The following VPS13A variants were observed in gnomAD, a reference collection of about 807,000 sequenced individuals.
The protein encoded by VPS13A is vacuolar protein sorting 13 homolog A.
Under a neutral mutation model 390.9 loss-of-function variants are expected in VPS13A, and 264 were observed. The observed-to-expected ratio is 0.68, with a 90% CI of 0.61 to 0.75. The LOEUF is 0.75. Ranked by LOEUF, VPS13A falls within the 30% of genes least tolerant of loss-of-function variation. VPS13A has a pLI of 0.00. For synonymous variants in VPS13A, 1,231 were observed against 1,227.1 expected, an observed-to-expected ratio of 1.00 and a Z score of -0.07; for missense variants, 3,409 against 3,733.9, an observed-to-expected ratio of 0.91 and a Z score of 2.27.
chr9:77,405,324 A>G (rs888324953), intron 69 of VPS13A, among the ~76,000 whole-genome samples: 1 of 152,184 alleles, frequency 6.6e-6, no homozygotes, highest in African/African-American at 2.4e-5. Context: ...AATACGTTAC[A>G]TGGAGCCTTA....
At chr9:77,331,299 T>C (rs967120275) in intron 45 of VPS13A, among the ~76,000 whole-genome samples, 2 of 152,088 alleles carry the variant, frequency 1.3e-5, no homozygotes, top group Non-Finnish European at 2.9e-5. Context: ...GCTGAATTAT[T>C]CTTCAAAGTT....
chr9:77,397,419 T>A (rs1208050600), intron 68 of VPS13A, among the ~76,000 whole-genome samples: 1 of 152,244 alleles, frequency 6.6e-6, no homozygotes, highest in Non-Finnish European at 1.5e-5. Flanking sequence ...AACAACATGT[T>A]CTTGTCCTTT....
At chr9:77,185,127 T>C (rs945204899) in intron 1 of VPS13A, among the ~76,000 whole-genome samples, 1 of 151,738 alleles carries the variant, frequency 6.6e-6, no homozygotes, top group Non-Finnish European at 1.5e-5. Flanking sequence ...GCCCTTACCA[T>C]GTGGGATATG....
At chr9:77,316,142 C>A in intron 38 of VPS13A, 32 bp from the exon 39 acceptor site, 4 of 1,296,168 alleles carry the variant, frequency 3.1e-6, no homozygotes, top group Non-Finnish European at 3.2e-6. Context: ...TAATATATAG[C>A]AAATATTTTA....
chr9:77,273,066 A>G (rs1470143646), intron 23 of VPS13A, among the ~76,000 whole-genome samples: 1 of 152,190 alleles, frequency 6.6e-6, no homozygotes, highest in African/African-American at 2.4e-5. Context: ...AAACAGTTCT[A>G]CAATTTTTAT....
At chr9:77,312,199 A>C (rs1829116506) in intron 35 of VPS13A, among the ~76,000 whole-genome samples, 1 of 152,296 alleles carries the variant, frequency 6.6e-6, no homozygotes. Flanking sequence ...GTTTAAATGT[A>C]TATTTTTTCA....
intron 67 of VPS13A, among the ~76,000 whole-genome samples, chr9:77,380,719 A>G (rs1171014352): frequency 6.6e-6 from 1 of 152,214 alleles, no homozygotes; most frequent in Non-Finnish European, 1.5e-5. Flanking sequence ...GTTTCATGGA[A>G]GACAATTTTT....
intron 52 of VPS13A, among the ~76,000 whole-genome samples, chr9:77,347,388 CCT>C (rs1380693484): frequency 1.3e-5 from 2 of 152,106 alleles, no homozygotes; most frequent in African/African-American, 4.8e-5. Flanking sequence ...TGTAATCTCC[CCT>C]GCCATTATCC....
chr9:77,324,965 C>A (rs1283759322), intron 45 of VPS13A, among the ~76,000 whole-genome samples: 1 of 152,054 alleles, frequency 6.6e-6, no homozygotes, highest in African/African-American at 2.4e-5. Flanking sequence ...GGGGCTGGGG[C>A]ATATAGTCTC....
intron 33 of VPS13A, among the ~76,000 whole-genome samples, chr9:77,301,080 GT>G (rs1387076633): frequency 2.0e-5 from 3 of 152,180 alleles, no homozygotes; most frequent in Non-Finnish European, 2.9e-5. Flanking sequence ...CATATATTGG[GT>G]AGTACTGATA....
Position 77,370,031 on chromosome 9 carries a change from G to A in VPS13A, c.8668-226G>A, listed in dbSNP as rs76876625. On this transcript the variant is annotated intron_variant, in intron 63 of 71. Transcript: ENST00000360280. ...CCTTTCTGTACTTTGGTGAGTTGCCGTACTCCTTTCTAAGGGTCAGCGTCT... is the reference window on the plus strand; with the variant it reads ...CCTTTCTGTACTTTGGTGAGTTGCCATACTCCTTTCTAAGGGTCAGCGTCT... 1.4e-3 allele frequency among the ~76,000 whole-genome samples: 214 copies of A among 152,214 alleles called. 2 individuals carry two copies. The highest frequency in any genetic ancestry group is 5.4e-3 in the East Asian group (28 of 5,176).
chr9:77,375,899 G>A (rs1275356932), intron 67 of VPS13A, among the ~76,000 whole-genome samples: 1 of 152,020 alleles, frequency 6.6e-6, no homozygotes, highest in Non-Finnish European at 1.5e-5. Flanking sequence ...CATTCTAGTG[G>A]GAGAGTAATA....
chr9:77,331,031 C>T (rs1230787724), intron 45 of VPS13A, among the ~76,000 whole-genome samples: 1 of 152,006 alleles, frequency 6.6e-6, no homozygotes, highest in African/African-American at 2.4e-5. Flanking sequence ...GAAGTGTAAC[C>T]ATATACTGAT....
chr9:77,200,917 A>T (rs1825296386), intron 2 of VPS13A, among the ~76,000 whole-genome samples: 1 of 152,134 alleles, frequency 6.6e-6, no homozygotes, highest in Non-Finnish European at 1.5e-5. Context: ...TTGCGAGTGG[A>T]TATCTAGTTT....
intron 68 of VPS13A, among the ~76,000 whole-genome samples, chr9:77,386,969 G>C (rs184624008): frequency 2.6e-5 from 4 of 152,140 alleles, no homozygotes; most frequent in African/African-American, 9.6e-5. Flanking sequence ...CTCCCAAGGT[G>C]CTGGGATTAC....
intron 19 of VPS13A, among the ~76,000 whole-genome samples, chr9:77,241,277 T>C (rs917850313): frequency 2.0e-5 from 3 of 152,176 alleles, no homozygotes; most frequent in African/African-American, 7.2e-5. Context: ...ATTTACTGAG[T>C]CCTTCTGTAG....
chr9:77,341,658 TCA>T, intron 50 of VPS13A, among the ~76,000 whole-genome samples: 1 of 149,238 alleles, frequency 6.7e-6, no homozygotes. Flanking sequence ...TCTCTTTGCT[TCA>T]TTCTGAGTAA....
chr9:77,379,597 C>T lies in VPS13A; in HGVS notation c.9078-2379C>T, dbSNP rs181392032. 6.9e-4 allele frequency among the ~76,000 whole-genome samples: 105 copies of T among 152,144 alleles called. 2 individuals carry two copies. The highest frequency in any genetic ancestry group is 6.0e-3 in the Admixed American group (91 of 15,280). On this transcript the variant is annotated intron_variant, in intron 67 of 71. Transcript: ENST00000360280. ...CCATGTTGGCCAGGCTTGTCTTGAACTCCTGACCTCAAGTGATCTGACCAC... is the reference window on the plus strand; with the variant it reads ...CCATGTTGGCCAGGCTTGTCTTGAATTCCTGACCTCAAGTGATCTGACCAC...
intron 68 of VPS13A, chr9:77,389,983 C>T (rs937420242): frequency 1.9e-5 from 11 of 589,030 alleles, no homozygotes; most frequent in Non-Finnish European, 2.4e-5. Flanking sequence ...GCTTCAAACA[C>T]TGCCTTAATA....
Sources: gnomAD v4.1 joint callset for allele counts (sites outside exome capture counted in the v4.1 genomes callset) on GRCh38, gnomAD v4.1.1 for gene constraint, MANE v1.5 for transcripts, NCBI Gene and HGNC (gene_info 2026-07-23, HGNC 2026-07-21) for gene names.